FTSJ1: variants seen among roughly 807,000 people sequenced by gnomAD.
The protein encoded by FTSJ1 is tRNA (cytidine(32)/guanosine(34)-2'-O)-methyltransferase.
In FTSJ1, 3 loss-of-function variants were observed where a neutral mutation model predicts 28.5. That is an observed-to-expected ratio of 0.11 (90% CI 0.05 to 0.27). The LOEUF (loss-of-function observed/expected upper bound fraction) is 0.27. Among genes scored for constraint, FTSJ1 ranks in the 10% least tolerant of loss-of-function variants. The pLI is 1.00. For missense variants in FTSJ1, 162 were observed against 279.0 expected (o/e 0.58, Z 2.99); for synonymous variants, 104 against 113.9 (o/e 0.91, Z 0.55).
At chrX:48,485,645 C>T (rs2061597907) in intron 12 of FTSJ1, 91 bp from the exon 13 acceptor site, 1 of 106,017 alleles carries the variant, frequency 9.4e-6, no homozygotes, top group South Asian at 4.1e-4. Flanking sequence ...TATGATGGAG[C>T]TCCACTGCAC....
chrX:48,484,419 G>A (rs782215938), intron 12 of FTSJ1, among the ~76,000 whole-genome samples: 5 of 105,544 alleles, frequency 4.7e-5, no homozygotes, highest in South Asian at 8.5e-4. Flanking sequence ...TCGCTCTGTC[G>A]CCCAGGCTGG....
rs2061577730 is a variant in FTSJ1, at chrX:48,482,740, C to T, written c.903C>T (p.Asp301=). The T allele has an allele frequency of 8.3e-7, 1 of 1,206,666 alleles. No individual in the cohort carries two copies. The highest frequency in any genetic ancestry group is 1.1e-6 in the Non-Finnish European group (1 of 893,665). ...RPQDCPISRV[D]TFPQPLAAPQ... ...AGGACTGCCCCATCAGCAGAGTGGA[C>T]ACGTTTCCCCAGCCCCTGGCCGCCC... is the stretch of plus-strand genomic sequence containing the variant. Residue 301 remains aspartate (D), a synonymous_variant, in exon 11 of 13, where the codon GAC becomes GAT. Coordinates refer to ENST00000348411, the MANE Select transcript of FTSJ1 (RefSeq NM_012280.4).
At chrX:48,480,139 C>T (rs192554674) in intron 5 of FTSJ1, among the ~76,000 whole-genome samples, 3 of 109,300 alleles carry the variant, frequency 2.7e-5, no homozygotes, top group African/African-American at 1.0e-4. Flanking sequence ...AGCGAAACTC[C>T]GTCTCAAAAA....
rs375279191 is a variant in FTSJ1, at chrX:48,479,007, G to A, written c.283-31G>A. 30 of 1,095,188 alleles carry A rather than the reference G, an allele frequency of 2.7e-5. No homozygotes were observed. The African/African-American group carries it at 4.0e-4, about 15-fold the overall frequency. The allele number at this position is 1,095,188 out of a possible 1,213,427, so 90.3% of individuals were successfully genotyped here. A position where few individuals can be genotyped will look rare whatever the true frequency, so the allele number is the denominator to read the frequency against. On this transcript the variant is annotated intron_variant, in intron 4 of 12. Coordinates refer to ENST00000348411, the MANE Select transcript of FTSJ1 (RefSeq NM_012280.4). Reference sequence around the variant, plus strand: ...GATCTGAGGGCAGCAGTGGAGGGCCGTGGGGCCACTCATCCTCCCTCTCTC... The same window carrying A: ...GATCTGAGGGCAGCAGTGGAGGGCCATGGGGCCACTCATCCTCCCTCTCTC...
chrX:48,478,689 C>T lies in FTSJ1; in HGVS notation c.264C>T (p.Ile88=). 1 of 1,200,402 alleles carries T rather than the reference C, an allele frequency of 8.3e-7. No individual in the cohort carries two copies. ...AMAPLPGVVQ[I]QGDITQLSTA... ...CTCCACTACCAGGTGTGGTACAGAT[C>T]CAGGGGGACATCACCCAGGTAAGAG... is the stretch of plus-strand genomic sequence containing the variant. Residue 88 remains isoleucine (I), a synonymous_variant, in exon 4 of 13, where the codon ATC becomes ATT. Transcript: ENST00000348411.
At chrX:48,479,466 T>A (rs2061554778) in intron 5 of FTSJ1, among the ~76,000 whole-genome samples, 1 of 112,767 alleles carries the variant, frequency 8.9e-6, no homozygotes, top group Admixed American at 9.4e-5. Context: ...TGGGAAAACA[T>A]TCATGAATAA....
rs1385002997 is a variant in FTSJ1 at position 48,485,826 on chromosome X, G to A, written c.*100G>A. ...GTTTTCAAAATATCATCTCATCAAC[G>A]AGGCCTGGACAAACAAGCCCTGAGG... On this transcript the variant is annotated 3_prime_UTR_variant, in exon 13 of 13. Coordinates refer to ENST00000348411, the MANE Select transcript of FTSJ1 (RefSeq NM_012280.4). The A allele has an allele frequency of 8.9e-6, 1 of 112,560 alleles. No homozygotes were observed. Among genetic ancestry groups the A allele is most frequent in the Non-Finnish European group, 1.9e-5 (1 of 53,344 alleles). 9.3% of individuals were successfully genotyped at this position (112,560 alleles called of 1,213,427 possible).
intron 7 of FTSJ1, 38 bp downstream of exon 7, chrX:48,481,380 G>A (rs782178418): frequency 1.8e-5 from 22 of 1,193,173 alleles, no homozygotes; most frequent in South Asian, 3.6e-5. Context: ...GAGGGAGGTC[G>A]CTGAGGGCCA....
At position 48,483,019 on chromosome X, in the gene FTSJ1, C is replaced by G; in HGVS notation, c.*1C>G. 8.3e-7 allele frequency: 1 copy of G among 1,198,064 alleles called. No homozygotes were observed. The highest frequency in any genetic ancestry group is 1.1e-6 in the Non-Finnish European group (1 of 882,898). On this transcript the variant is annotated 3_prime_UTR_variant, in exon 12 of 13. Transcript: ENST00000348411. ...CAATGAAATGAGTTGTTCACCTTAA[C>G]CCATTACGGTAAGTTTGCCTTGTTA... is the stretch of plus-strand genomic sequence containing the variant.
intron 12 of FTSJ1, among the ~76,000 whole-genome samples, chrX:48,484,050 A>C (rs2061586219): frequency 9.0e-6 from 1 of 110,761 alleles, no homozygotes; most frequent in Non-Finnish European, 1.9e-5. Context: ...ATTCAGACTA[A>C]GTCAGCCATC....
intron 2 of FTSJ1, 100 bp downstream of exon 2, chrX:48,478,268 C>CA: frequency 1.1e-6 from 1 of 922,186 alleles, no homozygotes; most frequent in South Asian, 2.1e-5. Flanking sequence ...TGGGCTGACT[C>CA]AGAGGGTCTC....
In FTSJ1 at chrX:48,481,400, G is replaced by A. The variant is rs782260696; in HGVS notation, c.469-26G>A. 13 of 1,200,359 alleles carry A rather than the reference G, an allele frequency of 1.1e-5. No homozygotes were observed. In the Admixed American group the frequency reaches 2.4e-4, roughly 22 times the overall value. On this transcript the variant is annotated intron_variant, in intron 7 of 12. Transcript: ENST00000348411. Reference sequence around the variant, plus strand: ...AGGTCGCTGAGGGCCACCCTCACCCGCTGTCTTTGCCTTCTCACCCTGCAG... The same window carrying A: ...AGGTCGCTGAGGGCCACCCTCACCCACTGTCTTTGCCTTCTCACCCTGCAG...
At chrX:48,484,028 GC>G (rs2061586120) in intron 12 of FTSJ1, among the ~76,000 whole-genome samples, 1 of 110,904 alleles carries the variant, frequency 9.0e-6, no homozygotes, top group Non-Finnish European at 1.9e-5. Context: ...TCTGACAATG[GC>G]ATAGCAGGTT....
At chrX:48,484,595 C>A (rs2061590777) in intron 12 of FTSJ1, among the ~76,000 whole-genome samples, 1 of 110,160 alleles carries the variant, frequency 9.1e-6, no homozygotes, top group Non-Finnish European at 1.9e-5. Context: ...CCATGTTGGC[C>A]AGGCTGGTCT....
intron 9 of FTSJ1, 96 bp downstream of exon 9, chrX:48,481,811 C>T: frequency 1.7e-6 from 1 of 588,178 alleles, no homozygotes; most frequent in African/African-American, 2.2e-5. Flanking sequence ...CTGGGGGAGG[C>T]TCTGTCCCCT....
intron 2 of FTSJ1, 35 bp from the exon 3 acceptor site, chrX:48,478,414 C>T (rs782380008): frequency 3.4e-6 from 4 of 1,181,527 alleles, no homozygotes; most frequent in Non-Finnish European, 4.6e-6. Context: ...GAAGTGGGTG[C>T]AGCTGATCAG....
At chrX:48,481,379 C>A in intron 7 of FTSJ1, 37 bp downstream of exon 7, 4 of 1,195,189 alleles carry the variant, frequency 3.3e-6, no homozygotes, top group Non-Finnish European at 2.3e-6. Context: ...AGAGGGAGGT[C>A]GCTGAGGGCC....
intron 5 of FTSJ1, 99 bp downstream of exon 5, chrX:48,479,215 T>C: frequency 1.8e-6 from 1 of 552,717 alleles, no homozygotes; most frequent in Non-Finnish European, 3.2e-6. Flanking sequence ...CTTCAGTTAC[T>C]CCCTGCCTCT....
intron 12 of FTSJ1, among the ~76,000 whole-genome samples, chrX:48,484,079 T>A (rs1556969439): frequency 9.1e-6 from 1 of 110,458 alleles, no homozygotes; most frequent in Non-Finnish European, 1.9e-5. Flanking sequence ...CCACCTTTTT[T>A]TTTTTCTTGA....
Sources: allele counts gnomAD v4.1 joint callset (sites outside exome capture counted in the v4.1 genomes callset), GRCh38; gene constraint gnomAD v4.1.1; transcripts MANE v1.5; gene names NCBI Gene and HGNC (gene_info 2026-07-23, HGNC 2026-07-21).